SKAP1: variants seen among roughly 807,000 people sequenced by gnomAD.
SKAP1 encodes the protein src kinase-associated phosphoprotein 1.
Under a neutral mutation model 58.5 loss-of-function variants are expected in SKAP1, and 44 were observed. The observed-to-expected ratio is 0.75, with a 90% CI of 0.59 to 0.97. The LOEUF is 0.97. Ranked by LOEUF, SKAP1 falls within the 50% of genes least tolerant of loss-of-function variation. The probability of loss-of-function intolerance (pLI) is 0.00; values close to 1 mark genes in which losing one functional copy is unlikely to be tolerated. For missense variants in SKAP1, 390 were observed against 435.2 expected, an observed-to-expected ratio of 0.90 and a Z score of 0.92; for synonymous variants, 127 against 149.7, an observed-to-expected ratio of 0.85 and a Z score of 1.11.
intron 4 of SKAP1, among the ~76,000 whole-genome samples, chr17:48,338,135 CCTTTCTTTCTTTTTCTTT>C (rs1206590283): frequency 2.1e-5 from 3 of 143,618 alleles, no homozygotes; most frequent in Non-Finnish European, 4.6e-5. Context: ...TTCCTTCTTT[CCTTTCTTTCTTTTTCTTT>C]CTTTCTTTCT....
At chr17:48,225,814 G>T (rs2065061822) in intron 4 of SKAP1, among the ~76,000 whole-genome samples, 1 of 152,116 alleles carries the variant, frequency 6.6e-6, no homozygotes, top group Non-Finnish European at 1.5e-5. Context: ...AGTAATAAGG[G>T]CCCTGGACTT....
intron 10 of SKAP1, among the ~76,000 whole-genome samples, chr17:48,166,646 G>A (rs965146488): frequency 3.3e-5 from 5 of 152,156 alleles, no homozygotes; most frequent in Admixed American, 6.5e-5. Context: ...TAAAATGATC[G>A]TGTCAATAAG....
At chr17:48,205,027 CTTTCTT>C (rs1567820005) in intron 4 of SKAP1, among the ~76,000 whole-genome samples, 66 of 56,206 alleles carry the variant, frequency 1.2e-3, no homozygotes, top group African/African-American at 3.8e-3. Context: ...TTCTTTCTTT[CTTTCTT>C]TCTTTCTCTC....
At chr17:48,271,964 ACTT>A in intron 4 of SKAP1, among the ~76,000 whole-genome samples, 1 of 152,338 alleles carries the variant, frequency 6.6e-6, no homozygotes, top group Admixed American at 6.5e-5. Context: ...GGAAGGGTAT[ACTT>A]CTTCTGAATC....
intron 11 of SKAP1, among the ~76,000 whole-genome samples, chr17:48,143,519 C>T (rs987524473): frequency 2.0e-5 from 3 of 151,990 alleles, no homozygotes; most frequent in South Asian, 2.1e-4. Context: ...CATTTTTAAG[C>T]TCCTCTTGGT....
intron 4 of SKAP1, among the ~76,000 whole-genome samples, chr17:48,319,864 C>T (rs1298645916): frequency 1.3e-5 from 2 of 151,932 alleles, no homozygotes; most frequent in African/African-American, 4.8e-5. Context: ...AACGAACAAA[C>T]AAACAAATAA....
chr17:48,198,136 A>T (rs902936478), intron 4 of SKAP1, among the ~76,000 whole-genome samples: 1 of 152,190 alleles, frequency 6.6e-6, no homozygotes, highest in Non-Finnish European at 1.5e-5. Flanking sequence ...AAGGACAGAG[A>T]TTTTGAATAA....
At chr17:48,384,231 T>G (rs1274048363) in intron 2 of SKAP1, among the ~76,000 whole-genome samples, 1 of 152,066 alleles carries the variant, frequency 6.6e-6, no homozygotes, top group Admixed American at 6.6e-5. Context: ...CAGGCCTTGT[T>G]GATGGTTTGG....
At chr17:48,313,121 G>T (rs1646733958) in intron 4 of SKAP1, among the ~76,000 whole-genome samples, 1 of 106,386 alleles carries the variant, frequency 9.4e-6, no homozygotes, top group Admixed American at 1.5e-4. Flanking sequence ...TTGGTTTCTT[G>T]TTATGCACTA....
intron 2 of SKAP1, among the ~76,000 whole-genome samples, chr17:48,378,427 A>G (rs1315436274): frequency 2.0e-5 from 3 of 152,148 alleles, no homozygotes; most frequent in Non-Finnish European, 4.4e-5. Flanking sequence ...CACGTAAAGA[A>G]CCTGGTAAAC....
At chr17:48,331,511 C>G (rs2066506922) in intron 4 of SKAP1, among the ~76,000 whole-genome samples, 1 of 151,814 alleles carries the variant, frequency 6.6e-6, no homozygotes, top group Non-Finnish European at 1.5e-5. Flanking sequence ...ACCAGCCTGA[C>G]CAACATGGAG....
At chr17:48,202,295 G>A (rs2064738645) in intron 4 of SKAP1, among the ~76,000 whole-genome samples, 1 of 152,072 alleles carries the variant, frequency 6.6e-6, no homozygotes, top group African/African-American at 2.4e-5. Flanking sequence ...TTTCAGGGTG[G>A]GTGATCTAAT....
At chr17:48,383,566 C>T (rs142138693) in intron 2 of SKAP1, among the ~76,000 whole-genome samples, 1 of 152,090 alleles carries the variant, frequency 6.6e-6, no homozygotes, top group Admixed American at 6.6e-5. Context: ...TAAAACACTT[C>T]GGAAGACAGC....
intron 4 of SKAP1, among the ~76,000 whole-genome samples, chr17:48,205,695 A>G (rs1202950288): frequency 6.6e-6 from 1 of 152,214 alleles, no homozygotes; most frequent in Non-Finnish European, 1.5e-5. Context: ...AAGCATTAAG[A>G]ATCAGAATGG....
intron 3 of SKAP1, among the ~76,000 whole-genome samples, chr17:48,352,854 G>T (rs1321200896): frequency 6.6e-6 from 1 of 152,112 alleles, no homozygotes; most frequent in Non-Finnish European, 1.5e-5. Context: ...CTAAGCTCTT[G>T]TTCTAATCCA....
intron 11 of SKAP1, among the ~76,000 whole-genome samples, chr17:48,147,557 CCAAAGA>C (rs1291955769): frequency 2.0e-5 from 3 of 152,080 alleles, no homozygotes; most frequent in African/African-American, 7.2e-5. Flanking sequence ...GAATTGTTCA[CCAAAGA>C]CAAAGTGCCC....
intron 4 of SKAP1, among the ~76,000 whole-genome samples, chr17:48,198,705 TG>T (rs1323896003): frequency 5.9e-5 from 9 of 152,192 alleles, no homozygotes; most frequent in African/African-American, 1.7e-4. Context: ...ATGAGTGTTC[TG>T]TGGTGGTGGG....
At chr17:48,402,083 A>G (rs2067505176) in intron 1 of SKAP1, among the ~76,000 whole-genome samples, 1 of 152,200 alleles carries the variant, frequency 6.6e-6, no homozygotes, top group Admixed American at 6.5e-5. Context: ...ACCACTTCAC[A>G]CCCACTAGAA....
At chr17:48,233,177 C>G (rs2065142527) in intron 4 of SKAP1, among the ~76,000 whole-genome samples, 1 of 152,134 alleles carries the variant, frequency 6.6e-6, no homozygotes, top group Non-Finnish European at 1.5e-5. Context: ...AACTCTGTGG[C>G]AGTTGTGGCT....
Sources: gnomAD v4.1 joint callset for allele counts (sites outside exome capture counted in the v4.1 genomes callset) on GRCh38, gnomAD v4.1.1 for gene constraint, MANE v1.5 for transcripts, NCBI Gene and HGNC (gene_info 2026-07-23, HGNC 2026-07-21) for gene names.